IQCM: variants seen among roughly 807,000 people sequenced by gnomAD.
The protein encoded by IQCM is IQ motif containing M, also known as IQ domain-containing protein M.
In IQCM, 45 loss-of-function variants were observed where a neutral mutation model predicts 57.6. The ratio of observed to expected loss-of-function variants is 0.78; its 90% CI spans 0.62 to 1.00. The LOEUF (loss-of-function observed/expected upper bound fraction) is 1.00, where lower values mean the gene tolerates loss of function less well. Ranked by LOEUF, IQCM falls within the 50% of genes least tolerant of loss-of-function variation. The pLI is 0.00. For missense variants in IQCM, 468 were observed against 511.6 expected (o/e 0.91, Z 0.82); for synonymous variants, 148 against 158.9 (o/e 0.93, Z 0.51).
chr4:149,409,510 A>G (rs1381411026), intron 13 of IQCM, among the ~76,000 whole-genome samples: 1 of 152,256 alleles, frequency 6.6e-6, no homozygotes, highest in Non-Finnish European at 1.5e-5. Context: ...CTGGCAAACA[A>G]CAAAACAAAG....
rs538529731 is a variant in IQCM, at chr4:149,483,256, A to G, written c.1229-49699T>C. Among the ~76,000 whole-genome samples, 4 of 151,524 alleles carry G rather than the reference A, an allele frequency of 2.6e-5. No individual in the cohort carries two copies. The East Asian group carries it at 7.7e-4, about 29-fold the overall frequency. On this transcript the variant is annotated intron_variant, in intron 12 of 13. Transcript: ENST00000636793. Reference sequence around the variant, plus strand: ...ATTGATCTTTTGTATTGTTTTCTTCATTTCAAATTCATTTATTTCTGCTCT... The same window carrying G: ...ATTGATCTTTTGTATTGTTTTCTTCGTTTCAAATTCATTTATTTCTGCTCT...
intron 2 of IQCM, among the ~76,000 whole-genome samples, chr4:149,810,452 T>C (rs76185278): frequency 0.022 from 3,296 of 150,560 alleles, 64 homozygotes; most frequent in South Asian, 0.036. Context: ...CAAAAACATA[T>C]AATTTTTTTT....
intron 7 of IQCM, among the ~76,000 whole-genome samples, chr4:149,678,706 GCAA>G (rs1004469350): frequency 2.0e-5 from 3 of 151,180 alleles, no homozygotes; most frequent in Admixed American, 1.3e-4. Flanking sequence ...GACAAATCTA[GCAA>G]CAACAATAAT....
chr4:149,452,130 CAAAT>C (rs1226380844), intron 12 of IQCM, among the ~76,000 whole-genome samples: 4 of 151,364 alleles, frequency 2.6e-5, no homozygotes, highest in Admixed American at 1.3e-4. Flanking sequence ...AAGTATAAAT[CAAAT>C]AAAAGATATG....
chr4:149,378,900 TG>T (rs936803752), intron 13 of IQCM, among the ~76,000 whole-genome samples: 2 of 151,954 alleles, frequency 1.3e-5, no homozygotes, highest in Non-Finnish European at 2.9e-5. Flanking sequence ...GAGGCAAAAA[TG>T]GTTTCATGGG....
intron 7 of IQCM, among the ~76,000 whole-genome samples, chr4:149,661,497 G>A (rs1018390475): frequency 6.6e-6 from 1 of 151,982 alleles, no homozygotes; most frequent in Non-Finnish European, 1.5e-5. Context: ...TTCTCTCCTC[G>A]AGTTTATAGA....
At chr4:149,702,643 C>T (rs555000015) in intron 5 of IQCM, among the ~76,000 whole-genome samples, 2 of 151,772 alleles carry the variant, frequency 1.3e-5, no homozygotes, top group African/African-American at 4.8e-5. Context: ...GAAAGGAAAG[C>T]AAAAAGAGAA....
At chr4:149,454,165 TATACACAC>T (rs1737430340) in intron 12 of IQCM, among the ~76,000 whole-genome samples, 1 of 146,888 alleles carries the variant, frequency 6.8e-6, no homozygotes, top group African/African-American at 2.5e-5. Context: ...TATATATATA[TATACACAC>T]ACACACACAC....
intron 5 of IQCM, among the ~76,000 whole-genome samples, chr4:149,693,886 TC>T (rs1031149920): frequency 7.2e-5 from 11 of 152,220 alleles, no homozygotes; most frequent in African/African-American, 2.7e-4. Context: ...ATTTAATTGT[TC>T]CCCATTTTGC....
At chr4:149,800,938 A>C (rs1773546527) in intron 2 of IQCM, among the ~76,000 whole-genome samples, 1 of 152,118 alleles carries the variant, frequency 6.6e-6, no homozygotes, top group East Asian at 1.9e-4. Context: ...TGCAATCCCT[A>C]TCAAAATACC....
In IQCM at chr4:149,509,393, C is replaced by T. The variant is rs1455599145; in HGVS notation, c.1228+39062G>A. ...CTCAGGGCTCAAGTGATTTTTCTGC[C>T]TCAGTCTCCCCAGTAGCTGGAACTA... is the stretch of plus-strand genomic sequence containing the variant. On this transcript the variant is annotated intron_variant, in intron 12 of 13. Coordinates refer to ENST00000636793, the MANE Select transcript of IQCM (RefSeq NM_001363507.2). Among the ~76,000 whole-genome samples the T allele has an allele frequency of 2.6e-5, 4 of 152,132 alleles. No homozygotes were observed. In the East Asian group the frequency reaches 5.8e-4, roughly 22 times the overall value.
At chr4:149,553,024 G>T in intron 11 of IQCM, 119 bp downstream of exon 11, 2 of 672,200 alleles carry the variant, frequency 3.0e-6, no homozygotes, top group Non-Finnish European at 4.2e-6. Context: ...AATGCAAATT[G>T]CTTACAGCAA....
chr4:149,589,692 A>G (rs1251569994), intron 8 of IQCM, among the ~76,000 whole-genome samples: 1 of 151,982 alleles, frequency 6.6e-6, no homozygotes, highest in African/African-American at 2.4e-5. Flanking sequence ...GTTGTGCATC[A>G]TCTCTCAATA....
At chr4:149,405,452 T>C (rs1350505520) in intron 13 of IQCM, among the ~76,000 whole-genome samples, 1 of 151,906 alleles carries the variant, frequency 6.6e-6, no homozygotes, top group East Asian at 1.9e-4. Context: ...GAGAAATACC[T>C]AATGTAAATT....
chr4:149,438,551 T>G (rs1735597323), intron 12 of IQCM, among the ~76,000 whole-genome samples: 1 of 152,118 alleles, frequency 6.6e-6, no homozygotes, highest in Admixed American at 6.6e-5. Context: ...GCATTCATTT[T>G]GATTTGAAAT....
chr4:149,671,065 C>T (rs1761231001), intron 7 of IQCM, among the ~76,000 whole-genome samples: 1 of 151,908 alleles, frequency 6.6e-6, no homozygotes, highest in South Asian at 2.1e-4. Context: ...GGAATGCTAC[C>T]AGCTCCTATT....
chr4:149,792,253 G>C (rs1772695521), intron 2 of IQCM, among the ~76,000 whole-genome samples: 1 of 152,024 alleles, frequency 6.6e-6, no homozygotes, highest in African/African-American at 2.4e-5. Context: ...TAATTCACTA[G>C]AGAAAATTTT....
chr4:149,547,067 T>C (rs1362436338), intron 12 of IQCM, among the ~76,000 whole-genome samples: 1 of 152,370 alleles, frequency 6.6e-6, no homozygotes, highest in African/African-American at 2.4e-5. Flanking sequence ...GCACCATTTA[T>C]TAAATAGGGA....
At chr4:149,706,492 T>C (rs1246053659) in intron 5 of IQCM, among the ~76,000 whole-genome samples, 2 of 151,964 alleles carry the variant, frequency 1.3e-5, no homozygotes, top group South Asian at 2.1e-4. Context: ...CATCAGCTAT[T>C]TCACACATTG....
Sources: gnomAD v4.1 joint callset for allele counts (sites outside exome capture counted in the v4.1 genomes callset) on GRCh38, gnomAD v4.1.1 for gene constraint, MANE v1.5 for transcripts, NCBI Gene and HGNC (gene_info 2026-07-23, HGNC 2026-07-21) for gene names.